The following SLC22A23 variants were observed in gnomAD, a reference collection of about 807,000 sequenced individuals.
The protein encoded by SLC22A23 is ion transporter protein.
In SLC22A23, 26 loss-of-function variants were observed where a neutral mutation model predicts 61.0. The observed-to-expected ratio is 0.43, with a 90% CI of 0.31 to 0.59. The LOEUF is 0.59. Ranked by LOEUF, SLC22A23 falls within the 20% of genes least tolerant of loss-of-function variation. SLC22A23 has a pLI of 0.11. For synonymous variants in SLC22A23, 430 were observed against 413.9 expected (o/e 1.04, Z -0.47); for missense variants, 796 against 934.7 (o/e 0.85, Z 1.94).
intron 5 of SLC22A23, among the ~76,000 whole-genome samples, chr6:3,294,771 T>G (rs79716621): frequency 0.029 from 4,389 of 152,232 alleles, 171 homozygotes; most frequent in African/African-American, 0.083. Flanking sequence ...CACCCACATA[T>G]CTAAACTCAG....
rs531507730 is a variant in SLC22A23 at position 3,333,661 on chromosome 6, T to C, written c.914-9659A>G. Among the ~76,000 whole-genome samples, 1 of 152,300 alleles carries C rather than the reference T, an allele frequency of 6.6e-6. No homozygotes were observed. The highest frequency in any genetic ancestry group is 6.5e-5 in the Admixed American group (1 of 15,296). On this transcript the variant is annotated intron_variant, in intron 3 of 9. Coordinates refer to ENST00000406686, the MANE Select transcript of SLC22A23 (RefSeq NM_015482.2). This position sits in a 1 kb window ranked among gnomAD's most constrained non-coding sequence, Gnocchi z 4.1. ...CTGACCATGCTATATAAAATAGTAA[T>C]CCCTGCCCTCTTGCTTCCCCATGTT...
intron 7 of SLC22A23, among the ~76,000 whole-genome samples, chr6:3,285,675 T>C (rs954910085): frequency 6.6e-6 from 1 of 152,182 alleles, no homozygotes; most frequent in Non-Finnish European, 1.5e-5. Flanking sequence ...ACGTGTGCAA[T>C]CCATTAGCTA....
At position 3,333,303 on chromosome 6, in the gene SLC22A23, A is replaced by T. The variant is rs990310902; in HGVS notation, c.914-9301T>A. Among the ~76,000 whole-genome samples the T allele has an allele frequency of 2.6e-5, 4 of 152,196 alleles. No homozygotes were observed. The highest frequency in any genetic ancestry group is 5.9e-5 in the Non-Finnish European group (4 of 68,030). On this transcript the variant is annotated intron_variant, in intron 3 of 9. Coordinates refer to ENST00000406686, the MANE Select transcript of SLC22A23 (RefSeq NM_015482.2). This position sits in a 1 kb window ranked among gnomAD's most constrained non-coding sequence, Gnocchi z 4.1. ...GAAATACGGTCAGTTCAGAAGAGGC[A>T]GCATCATAAAATCACAATCACTCTG... is the stretch of plus-strand genomic sequence containing the variant.
chr6:3,373,623 GAGAAGAAGAAGAAAAAAAAGAAAGA>G (rs1390485396), intron 3 of SLC22A23, among the ~76,000 whole-genome samples: 2 of 151,540 alleles, frequency 1.3e-5, no homozygotes, highest in Non-Finnish European at 2.9e-5. Context: ...GGAAGAAAAA[GAGAAGAAGAAGAAAAAAAAGAAAGA>G]AGAAGAAGAA....
rs182739287 is a variant in SLC22A23 at position 3,269,693 on chromosome 6, C to T, written c.*3362G>A. On this transcript the variant is annotated 3_prime_UTR_variant, in exon 10 of 10. Coordinates refer to ENST00000406686, the MANE Select transcript of SLC22A23 (RefSeq NM_015482.2). Reference sequence around the variant, plus strand: ...GAAGTGTTCGCCGCTAGACATGACACACCATACTGCTTTTCCAAAACACAC... The same window carrying T: ...GAAGTGTTCGCCGCTAGACATGACATACCATACTGCTTTTCCAAAACACAC... The T allele has an allele frequency of 2.6e-5, 4 of 152,964 alleles. No homozygotes were observed. The highest frequency in any genetic ancestry group is 1.9e-4 in the East Asian group (1 of 5,316). The allele number at this position is 152,964 out of a possible 1,614,324, so 9.5% of individuals were successfully genotyped here.
In SLC22A23 at chr6:3,272,647, T is replaced by G. The variant is rs1758549741; in HGVS notation, c.*408A>C. On this transcript the variant is annotated 3_prime_UTR_variant, in exon 10 of 10. Transcript: ENST00000406686. ...CACGCAGGCAGGCAGCCTGGGGGGCTCCTGGGTGCTGCCAGGAGCCGTGTC... is the reference window on the plus strand; with the variant it reads ...CACGCAGGCAGGCAGCCTGGGGGGCGCCTGGGTGCTGCCAGGAGCCGTGTC... 1 of 155,938 alleles carries G rather than the reference T, an allele frequency of 6.4e-6. No individual in the cohort carries two copies. The highest frequency in any genetic ancestry group is 1.4e-5 in the Non-Finnish European group (1 of 70,464). 9.7% of individuals were successfully genotyped at this position (155,938 alleles called of 1,614,324 possible). A position where few individuals can be genotyped will look rare whatever the true frequency, so the allele number is the denominator to read the frequency against.
At chr6:3,382,295 C>T (rs1317411033) in intron 3 of SLC22A23, among the ~76,000 whole-genome samples, 1 of 152,152 alleles carries the variant, frequency 6.6e-6, no homozygotes, top group Non-Finnish European at 1.5e-5. Context: ...AAACTCTGTC[C>T]CAGCCTAAAA....
At chr6:3,307,242 C>A (rs73352957) in intron 4 of SLC22A23, among the ~76,000 whole-genome samples, 2,232 of 152,314 alleles carry the variant, frequency 0.015, 50 homozygotes, top group African/African-American at 0.051. Flanking sequence ...CTCAGTTCAT[C>A]TCGACGCTCT....
intron 4 of SLC22A23, among the ~76,000 whole-genome samples, chr6:3,300,473 G>A (rs556202038): frequency 4.6e-5 from 7 of 152,292 alleles, no homozygotes; most frequent in South Asian, 4.1e-4. Flanking sequence ...CTGAAGAGAG[G>A]TGCCTTGCCC....
At chr6:3,345,992 G>A (rs1177989555) in intron 3 of SLC22A23, among the ~76,000 whole-genome samples, 1 of 152,102 alleles carries the variant, frequency 6.6e-6, no homozygotes, top group Non-Finnish European at 1.5e-5. Flanking sequence ...AATACACTGA[G>A]CAACATGGTA....
At chr6:3,368,541 G>T (rs1010977035) in intron 3 of SLC22A23, among the ~76,000 whole-genome samples, 5 of 152,204 alleles carry the variant, frequency 3.3e-5, no homozygotes, top group African/African-American at 1.2e-4. Context: ...TTTCGCTTCT[G>T]TCAAATTGGC....
intron 3 of SLC22A23, among the ~76,000 whole-genome samples, chr6:3,345,796 T>C (rs1450756153): frequency 2.6e-5 from 4 of 152,238 alleles, no homozygotes; most frequent in Non-Finnish European, 5.9e-5. Context: ...TCTATCATTA[T>C]GTAAAACCAA....
chr6:3,315,178 A>AAG (rs397771766), intron 4 of SLC22A23, among the ~76,000 whole-genome samples: 34 of 148,732 alleles, frequency 2.3e-4, no homozygotes, highest in Middle Eastern at 3.4e-3. Context: ...AAAAAAAAAA[A>AAG]CTGCACACAC....
At chr6:3,380,063 G>A (rs967357725) in intron 3 of SLC22A23, among the ~76,000 whole-genome samples, 1 of 152,184 alleles carries the variant, frequency 6.6e-6, no homozygotes, top group East Asian at 1.9e-4. Flanking sequence ...GGGCTAGAGG[G>A]TGAAGAGTAC....
chr6:3,406,547 TGC>T (rs10554434), intron 3 of SLC22A23, among the ~76,000 whole-genome samples: 30,309 of 89,102 alleles, frequency 0.34, 3,031 homozygotes, highest in Middle Eastern at 0.49. Context: ...TGTGTGTGTG[TGC>T]GCGCATGTGT....
chr6:3,292,838 C>A (rs965788036), intron 5 of SLC22A23, among the ~76,000 whole-genome samples: 2 of 151,436 alleles, frequency 1.3e-5, no homozygotes, highest in Non-Finnish European at 2.9e-5. Flanking sequence ...GAACTCGGCG[C>A]GGCCTCTGGG....
Position 3,298,233 on chromosome 6 carries a change from AG to A in SLC22A23, c.1083-16del. 2 of 1,588,142 alleles carry A rather than the reference AG, an allele frequency of 1.3e-6. No individual in the cohort carries two copies. Among genetic ancestry groups the A allele is most frequent in the Non-Finnish European group, 1.7e-6 (2 of 1,169,858 alleles). On this transcript the variant is annotated splice_polypyrimidine_tract_variant and intron_variant, in intron 4 of 9. Transcript: ENST00000406686. ...CGGGGAATATCCTTTAAAGACACAA[AG>A]GGGATCAGTGAATGTCTTCCGATTC...
chr6:3,272,891 C>T lies in SLC22A23; in HGVS notation c.*164G>A, dbSNP rs1003367356. ...TCCAAAGAGTTTGTCTCCTCCGACC[C>T]GCGCTCCTTGGACTTTTGGAAAGAC... On this transcript the variant is annotated 3_prime_UTR_variant, in exon 10 of 10. Transcript: ENST00000406686. 4 of 610,148 alleles carry T rather than the reference C, an allele frequency of 6.6e-6. No homozygotes were observed. Among genetic ancestry groups the T allele is most frequent in the South Asian group, 2.4e-5 (1 of 41,998 alleles). 37.8% of individuals were successfully genotyped at this position (610,148 alleles called of 1,614,324 possible).
chr6:3,343,473 GCA>G lies in SLC22A23; in HGVS notation c.914-19473_914-19472del, dbSNP rs149684941. On this transcript the variant is annotated intron_variant, in intron 3 of 9. Coordinates refer to ENST00000406686, the MANE Select transcript of SLC22A23 (RefSeq NM_015482.2). ...AGCCCCTGCAAATACACACACACACGCACACACACACACACATCCTCATCATT... is the reference window on the plus strand; with the variant it reads ...AGCCCCTGCAAATACACACACACACGCACACACACACACATCCTCATCATT... Among the ~76,000 whole-genome samples the G allele has an allele frequency of 4.2e-3, 634 of 149,986 alleles. 4 individuals are homozygous for G. Among genetic ancestry groups the G allele is most frequent in the African/African-American group, 0.015 (596 of 40,936 alleles).
Sources: allele counts gnomAD v4.1 joint callset (sites outside exome capture counted in the v4.1 genomes callset), GRCh38; gene constraint gnomAD v4.1.1; non-coding constraint Gnocchi (gnomAD v3.1); transcripts MANE v1.5; gene names NCBI Gene and HGNC (gene_info 2026-07-23, HGNC 2026-07-21).